Variants in LPCAT2 observed in about 807,000 individuals in gnomAD.
The protein encoded by LPCAT2 is lysophosphatidylcholine acyltransferase 2.
Under a neutral mutation model 64.7 loss-of-function variants are expected in LPCAT2, and 58 were observed. The observed-to-expected ratio is 0.90, with a 90% confidence interval of 0.73 to 1.12. The LOEUF (loss-of-function observed/expected upper bound fraction) is 1.12. Ranked by LOEUF, LPCAT2 falls within the 50% of genes most tolerant of loss-of-function variation. The probability of loss-of-function intolerance (pLI) is 0.00; values close to 1 mark genes in which losing one functional copy is unlikely to be tolerated. For missense variants in LPCAT2, 579 were observed against 669.8 expected, an observed-to-expected ratio of 0.86 and a Z score of 1.50; for synonymous variants, 252 against 245.3, an observed-to-expected ratio of 1.03 and a Z score of -0.26.
At chr16:55,546,702 A>G (rs1963457740) in intron 9 of LPCAT2, among the ~76,000 whole-genome samples, 1 of 152,216 alleles carries the variant, frequency 6.6e-6, no homozygotes, top group Non-Finnish European at 1.5e-5. Flanking sequence ...AATGTTTGGC[A>G]AAAAATTTGC....
At chr16:55,516,996 A>C (rs2142389642) in intron 1 of LPCAT2, among the ~76,000 whole-genome samples, 1 of 152,336 alleles carries the variant, frequency 6.6e-6, no homozygotes, top group South Asian at 2.1e-4. Context: ...AGAAATTCAC[A>C]AATATGTCAA....
chr16:55,582,237 G>A (rs1415488107), intron 13 of LPCAT2, among the ~76,000 whole-genome samples: 1 of 152,146 alleles, frequency 6.6e-6, no homozygotes, highest in Non-Finnish European at 1.5e-5. Flanking sequence ...AAACCCCTGT[G>A]TGCCCTTTCC....
intron 11 of LPCAT2, among the ~76,000 whole-genome samples, chr16:55,561,479 G>T (rs1177285540): frequency 6.0e-5 from 9 of 151,238 alleles, no homozygotes; most frequent in Non-Finnish European, 1.5e-5. Flanking sequence ...ATCCAGAGGA[G>T]AAAAAGCTTG....
chr16:55,545,713 G>C, intron 8 of LPCAT2, 22 bp from the exon 9 acceptor site: 1 of 1,479,354 alleles, frequency 6.8e-7, no homozygotes, highest in Non-Finnish European at 9.4e-7. Context: ...CATTGTTATG[G>C]AAAGGTATAT....
In LPCAT2 at chr16:55,579,094, T is replaced by TTATTTTCTTC; in HGVS notation, c.1315-14_1315-13insATTTTCTTCT. On this transcript the variant is annotated splice_polypyrimidine_tract_variant and intron_variant, in intron 12 of 13. Transcript: ENST00000262134. ...GATCCTGAGGGAGCTAATTCTTACA[T>TTATTTTCTTC]TTTATTTTCTTCAGCTGTTTGACGT... 1 of 1,611,440 alleles carries TTATTTTCTTC rather than the reference T, an allele frequency of 6.2e-7. No individual in the cohort carries two copies. Among genetic ancestry groups the TTATTTTCTTC allele is most frequent in the Non-Finnish European group, 8.5e-7 (1 of 1,178,760 alleles).
At chr16:55,521,396 A>G (rs376267850) in intron 1 of LPCAT2, among the ~76,000 whole-genome samples, 4 of 151,946 alleles carry the variant, frequency 2.6e-5, no homozygotes, top group African/African-American at 9.6e-5. Flanking sequence ...AATTTTGTCA[A>G]ACTTTTAAGA....
At chr16:55,509,431 T>C in intron 1 of LPCAT2, 79 bp downstream of exon 1, 1 of 1,167,148 alleles carries the variant, frequency 8.6e-7, no homozygotes, top group Non-Finnish European at 1.1e-6. Context: ...GGGGTGTGGG[T>C]CTGAGAGAGG....
At chr16:55,573,124 C>T (rs551108786) in intron 11 of LPCAT2, among the ~76,000 whole-genome samples, 3 of 152,254 alleles carry the variant, frequency 2.0e-5, no homozygotes, top group African/African-American at 7.2e-5. Flanking sequence ...TTTTAGTTTC[C>T]GCCCTGCAGT....
At chr16:55,535,657 G>A (rs1241332423) in intron 7 of LPCAT2, among the ~76,000 whole-genome samples, 20 of 152,130 alleles carry the variant, frequency 1.3e-4, no homozygotes, top group Non-Finnish European at 1.3e-4. Flanking sequence ...TTTAGACATG[G>A]AAGAATTGGG....
At chr16:55,576,253 A>G (rs1235095736) in intron 12 of LPCAT2, among the ~76,000 whole-genome samples, 2 of 151,602 alleles carry the variant, frequency 1.3e-5, no homozygotes, top group East Asian at 3.9e-4. Context: ...TCCTTTTTAA[A>G]TGTGTTTTAT....
At chr16:55,572,624 A>ATCGACT (rs1963782819) in intron 11 of LPCAT2, among the ~76,000 whole-genome samples, 1 of 151,860 alleles carries the variant, frequency 6.6e-6, no homozygotes, top group African/African-American at 2.4e-5. Context: ...AAATGTAGAT[A>ATCGACT]TTGGCGCTGG....
At chr16:55,522,521 C>G (rs1025289026) in intron 1 of LPCAT2, among the ~76,000 whole-genome samples, 7 of 151,122 alleles carry the variant, frequency 4.6e-5, no homozygotes, top group Non-Finnish European at 3.0e-5. Context: ...TCTAAAATAG[C>G]CTTCAGAAAA....
At chr16:55,581,272 C>T (rs1289332723) in intron 13 of LPCAT2, among the ~76,000 whole-genome samples, 1 of 152,136 alleles carries the variant, frequency 6.6e-6, no homozygotes, top group Non-Finnish European at 1.5e-5. Context: ...TTGAAACAGA[C>T]TCATGTAGAT....
Position 55,553,304 on chromosome 16 carries a change from T to C in LPCAT2, c.1215+2202T>C, listed in dbSNP as rs1304981720. On this transcript the variant is annotated intron_variant, in intron 11 of 13. Coordinates refer to ENST00000262134, the MANE Select transcript of LPCAT2 (RefSeq NM_017839.5). Reference sequence around the variant, plus strand: ...TAACATTTTACTACAGTAGAACTTCTTTCAAAATTGCTGTCAGTCCTCTCA... The same window carrying C: ...TAACATTTTACTACAGTAGAACTTCCTTCAAAATTGCTGTCAGTCCTCTCA... Among the ~76,000 whole-genome samples, 3 of 152,350 alleles carry C rather than the reference T, an allele frequency of 2.0e-5. No homozygotes were observed. In the East Asian group the frequency reaches 5.8e-4, roughly 29 times the overall value.
intron 8 of LPCAT2, among the ~76,000 whole-genome samples, chr16:55,544,479 T>C (rs1596868546): frequency 6.6e-6 from 1 of 152,336 alleles, no homozygotes; most frequent in Middle Eastern, 3.4e-3. Flanking sequence ...TGCTGTCATG[T>C]TTGTAGGGCT....
intron 1 of LPCAT2, among the ~76,000 whole-genome samples, chr16:55,510,967 AG>A (rs1166530946): frequency 6.6e-6 from 1 of 152,242 alleles, no homozygotes; most frequent in East Asian, 1.9e-4. Flanking sequence ...TACTGTTTAA[AG>A]ATCTCTTCCA....
At chr16:55,579,946 G>A (rs1282910503) in intron 13 of LPCAT2, among the ~76,000 whole-genome samples, 1 of 149,386 alleles carries the variant, frequency 6.7e-6, no homozygotes, top group African/African-American at 2.6e-5. Context: ...AGTTGCACTG[G>A]ACTGAAGCTT....
At chr16:55,530,031 T>G in intron 4 of LPCAT2, 84 bp downstream of exon 4, 1 of 943,760 alleles carries the variant, frequency 1.1e-6, no homozygotes, top group Non-Finnish European at 1.6e-6. Context: ...GATCCACAGA[T>G]AGCAATATCT....
At chr16:55,518,761 A>T (rs1567390592) in intron 1 of LPCAT2, among the ~76,000 whole-genome samples, 1 of 152,232 alleles carries the variant, frequency 6.6e-6, no homozygotes. Flanking sequence ...ACCTGACAGC[A>T]TATACAAAAA....
Sources: gnomAD v4.1 joint callset for allele counts (sites outside exome capture counted in the v4.1 genomes callset) on GRCh38, gnomAD v4.1.1 for gene constraint, MANE v1.5 for transcripts, NCBI Gene and HGNC (gene_info 2026-07-23, HGNC 2026-07-21) for gene names.